RASGRP3: variants seen among roughly 807,000 people sequenced by gnomAD.
The protein encoded by RASGRP3 is RAS guanyl releasing protein 3.
Under a neutral mutation model 82.7 loss-of-function variants are expected in RASGRP3, and 54 were observed. That is an observed-to-expected ratio of 0.65 (90% CI 0.52 to 0.82). The LOEUF (loss-of-function observed/expected upper bound fraction) is 0.82, where lower values mean the gene tolerates loss of function less well. Ranked by LOEUF, RASGRP3 falls within the 40% of genes least tolerant of loss-of-function variation. The pLI, the probability that RASGRP3 is intolerant of heterozygous loss-of-function variation, is 0.00. For missense variants in RASGRP3, 861 were observed against 828.9 expected (o/e 1.04, Z -0.48); for synonymous variants, 309 against 300.5 (o/e 1.03, Z -0.29).
At chr2:33,508,857 G>A (rs985690921) in intron 1 of RASGRP3, among the ~76,000 whole-genome samples, 7 of 152,184 alleles carry the variant, frequency 4.6e-5, no homozygotes, top group African/African-American at 1.4e-4. Flanking sequence ...CCCATGTCAT[G>A]TTTCTAAAAT....
chr2:33,454,549 G>A (rs1317152375), intron 2 of RASGRP3, among the ~76,000 whole-genome samples: 1 of 152,202 alleles, frequency 6.6e-6, no homozygotes, highest in Admixed American at 6.5e-5. Context: ...CTGAAGACGG[G>A]CTTAACACAC....
upstream of RASGRP3, among the ~76,000 whole-genome samples, chr2:33,475,294 A>G (rs1054219238): frequency 3.9e-5 from 6 of 152,250 alleles, no homozygotes; most frequent in African/African-American, 9.6e-5. Context: ...CCCTGATAGT[A>G]TGGTGAGACT....
At position 33,549,714 on chromosome 2, in the gene RASGRP3, A is replaced by G; in HGVS notation, c.1505A>G (p.Tyr502Cys). The G allele has an allele frequency of 6.2e-7, 1 of 1,614,000 alleles. No individual in the cohort carries two copies. The highest frequency in any genetic ancestry group is 8.5e-7 in the Non-Finnish European group (1 of 1,179,888). ...GFIHNFQEMT[Y>C]LKPTFCEHCA... ...ATCCATAATTTTCAGGAGATGACCT[A>G]TCTCAAGCCAACCTTCTGCGAACAC... Residue 502 changes from tyrosine (Y) to cysteine (C), a missense_variant, in exon 14 of 18, where the codon TAT becomes TGT. Physicochemically the swap from Tyr to Cys is radical, Grantham distance 194 (BLOSUM62 -2). Transcript: ENST00000403687.
chr2:33,559,076 G>A, intron 17 of RASGRP3, 46 bp downstream of exon 17: 2 of 1,470,508 alleles, frequency 1.4e-6, no homozygotes, highest in Non-Finnish European at 1.8e-6. Flanking sequence ...GAAGGAGGCT[G>A]AAAGTGCTGA....
At chr2:33,534,249 G>T in intron 10 of RASGRP3, 74 bp from the exon 11 acceptor site, 2 of 1,056,286 alleles carry the variant, frequency 1.9e-6, no homozygotes, top group South Asian at 1.4e-5. Flanking sequence ...CATTCAACTT[G>T]AAAAAAAATT....
chr2:33,547,965 T>G (rs1377273712), intron 13 of RASGRP3, among the ~76,000 whole-genome samples: 1 of 152,126 alleles, frequency 6.6e-6, no homozygotes, highest in Admixed American at 6.6e-5. Context: ...ATGTTCTTGG[T>G]GACAGATTTG....
chr2:33,523,271 G>A (rs182954522), intron 7 of RASGRP3, among the ~76,000 whole-genome samples: 5 of 152,112 alleles, frequency 3.3e-5, no homozygotes, highest in Admixed American at 2.0e-4. Context: ...AGACCTTCCT[G>A]GCCAACGTGG....
intron 6 of RASGRP3, among the ~76,000 whole-genome samples, chr2:33,521,572 T>C (rs775868275): frequency 1.3e-5 from 2 of 152,218 alleles, no homozygotes; most frequent in Non-Finnish European, 2.9e-5. Context: ...TTCAGATAGT[T>C]CATGTTATAC....
At chr2:33,473,962 G>T (rs1667210095), upstream of RASGRP3, among the ~76,000 whole-genome samples, 1 of 152,162 alleles carries the variant, frequency 6.6e-6, no homozygotes, top group African/African-American at 2.4e-5. Flanking sequence ...GGAGCATGCA[G>T]TGTAGATCCC....
intron 1 of RASGRP3, among the ~76,000 whole-genome samples, chr2:33,500,673 C>A (rs1038228496): frequency 6.6e-6 from 1 of 152,162 alleles, no homozygotes; most frequent in Non-Finnish European, 1.5e-5. Context: ...CGGTGGCCCA[C>A]GCCTGTAATC....
chr2:33,455,619 C>G (rs975845438), intron 2 of RASGRP3, among the ~76,000 whole-genome samples: 8 of 152,226 alleles, frequency 5.3e-5, no homozygotes, highest in Non-Finnish European at 1.2e-4. Context: ...GCAGACCGCC[C>G]GAGGAGCCAT....
intron 1 of RASGRP3, among the ~76,000 whole-genome samples, chr2:33,497,109 T>G (rs188537435): frequency 6.6e-6 from 1 of 152,344 alleles, no homozygotes; most frequent in East Asian, 1.9e-4. Flanking sequence ...TTTTTCTGTT[T>G]TAATAATATA....
chr2:33,559,552 C>T, intron 17 of RASGRP3: 1 of 512,366 alleles, frequency 2.0e-6, no homozygotes, highest in Non-Finnish European at 3.9e-6. Flanking sequence ...TCTGCCTCCG[C>T]ATGAGCAAAA....
intron 2 of RASGRP3, among the ~76,000 whole-genome samples, chr2:33,470,482 C>T (rs1188133652): frequency 6.6e-6 from 1 of 151,654 alleles, no homozygotes; most frequent in Admixed American, 6.6e-5. Context: ...CGGGTTCACG[C>T]CATTTTCCTG....
intron 17 of RASGRP3, 88 bp from the exon 18 acceptor site, chr2:33,562,641 A>AAAG (rs75370629): frequency 0.059 from 84,822 of 1,429,458 alleles, 3,115 homozygotes; most frequent in Admixed American, 0.16. Context: ...ATGTTCCCTC[A>AAAG]AAGTCATCTG....
rs575643578 is a variant in RASGRP3, at chr2:33,456,472, T to A, written c.-261+8529T>A. On this transcript the variant is annotated intron_variant, in intron 2 of 18. Coordinates refer to the RASGRP3 transcript ENST00000402538. ...AGTGGTGGTACTTGCAACTTTAAAA[T>A]ACATACTTGATTTAACAAAGTCTAA... is the stretch of plus-strand genomic sequence containing the variant. Among the ~76,000 whole-genome samples, 21 of 152,354 alleles carry A rather than the reference T, an allele frequency of 1.4e-4. No homozygotes were observed. The South Asian group carries it at 4.3e-3, about 32-fold the overall frequency.
intron 17 of RASGRP3, among the ~76,000 whole-genome samples, chr2:33,559,892 A>G (rs2151120976): frequency 6.6e-6 from 1 of 152,286 alleles, no homozygotes; most frequent in African/African-American, 2.4e-5. Flanking sequence ...ATTTCCCATG[A>G]TGAGAAAAAC....
chr2:33,553,142 G>C (rs1366491729), intron 14 of RASGRP3, among the ~76,000 whole-genome samples: 2 of 149,278 alleles, frequency 1.3e-5, no homozygotes, highest in Non-Finnish European at 3.0e-5. Context: ...AACATATCTG[G>C]ATATTAGGAT....
intron 1 of RASGRP3, among the ~76,000 whole-genome samples, chr2:33,486,615 A>G (rs191149382): frequency 4.7e-4 from 72 of 152,372 alleles, no homozygotes; most frequent in East Asian, 5.8e-4. Flanking sequence ...ACATAAATGT[A>G]TATTCTGTAA....
Sources: gnomAD v4.1 joint callset for allele counts (sites outside exome capture counted in the v4.1 genomes callset) on GRCh38, gnomAD v4.1.1 for gene constraint, MANE v1.5 for transcripts, NCBI Gene and HGNC (gene_info 2026-07-23, HGNC 2026-07-21) for gene names.